TENM4: variants seen among roughly 807,000 people sequenced by gnomAD.
The protein encoded by TENM4 is teneurin transmembrane protein 4.
A neutral mutation model predicts 243.3 loss-of-function variants in TENM4; 82 were observed. The ratio of observed to expected loss-of-function variants is 0.34; its 90% CI spans 0.28 to 0.40. TENM4 has a LOEUF of 0.40. Among genes scored for constraint, TENM4 ranks in the 10% least tolerant of loss-of-function variants. The pLI is 1.00. For missense variants in TENM4, 3,138 were observed against 3,673.3 expected (o/e 0.85, Z 3.77); for synonymous variants, 1,412 against 1,456.3 (o/e 0.97, Z 0.69).
At chr11:79,016,803 A>C (rs1858786165) in intron 6 of TENM4, among the ~76,000 whole-genome samples, 1 of 152,254 alleles carries the variant, frequency 6.6e-6, no homozygotes, top group Non-Finnish European at 1.5e-5. Context: ...GTTCATCAAA[A>C]GACCCCAAAG....
intron 6 of TENM4, among the ~76,000 whole-genome samples, chr11:79,039,717 G>A (rs1022332237): frequency 3.3e-4 from 50 of 152,278 alleles, no homozygotes; most frequent in African/African-American, 1.1e-3. Context: ...GGGTTGAAAG[G>A]TGCAGCAAAT....
At chr11:79,223,725 T>G (rs1372145103) in intron 2 of TENM4, among the ~76,000 whole-genome samples, 1 of 152,186 alleles carries the variant, frequency 6.6e-6, no homozygotes, top group Non-Finnish European at 1.5e-5. Context: ...TGGCTCTTCC[T>G]TTGGCCTCAG....
intron 4 of TENM4, among the ~76,000 whole-genome samples, chr11:79,108,267 T>C (rs1861421014): frequency 6.6e-6 from 1 of 152,168 alleles, no homozygotes; most frequent in Non-Finnish European, 1.5e-5. Flanking sequence ...GGAGATGACT[T>C]GATAATACGA....
At chr11:78,796,478 A>T (rs1857162716) in intron 15 of TENM4, among the ~76,000 whole-genome samples, 1 of 152,028 alleles carries the variant, frequency 6.6e-6, no homozygotes, top group African/African-American at 2.4e-5. Context: ...GACCCTAATA[A>T]CCTTTTGTAA....
At chr11:78,794,467 A>G (rs1188058672) in intron 15 of TENM4, among the ~76,000 whole-genome samples, 1 of 152,210 alleles carries the variant, frequency 6.6e-6, no homozygotes, top group Non-Finnish European at 1.5e-5. Flanking sequence ...AATAGATGTG[A>G]ACATTTGAAA....
At chr11:79,319,603 C>A (rs113329091) in intron 1 of TENM4, among the ~76,000 whole-genome samples, 1 of 152,164 alleles carries the variant, frequency 6.6e-6, no homozygotes, top group Non-Finnish European at 1.5e-5. Flanking sequence ...CTGCCAGCAA[C>A]GCGCAGCCTG....
At chr11:79,155,355 CTT>C (rs553666524) in intron 3 of TENM4, among the ~76,000 whole-genome samples, 18 of 140,480 alleles carry the variant, frequency 1.3e-4, no homozygotes, top group Admixed American at 2.1e-4. Flanking sequence ...CTCTCTCTCT[CTT>C]TTTTTTTTTT....
At chr11:78,990,445 T>C (rs562893323) in intron 6 of TENM4, among the ~76,000 whole-genome samples, 3 of 152,138 alleles carry the variant, frequency 2.0e-5, no homozygotes, top group Non-Finnish European at 4.4e-5. Flanking sequence ...GGCAGCGCTG[T>C]TTGAAACAGG....
At chr11:79,320,031 T>C (rs1014287017) in intron 1 of TENM4, among the ~76,000 whole-genome samples, 4 of 152,198 alleles carry the variant, frequency 2.6e-5, no homozygotes, top group Non-Finnish European at 5.9e-5. Context: ...CAGTGGAGGT[T>C]CCTGGCAGGG....
At chr11:79,058,124 T>C (rs1405245509) in intron 6 of TENM4, among the ~76,000 whole-genome samples, 2 of 152,354 alleles carry the variant, frequency 1.3e-5, no homozygotes, top group East Asian at 3.9e-4. Flanking sequence ...TGGAAGTTTC[T>C]AATATTGACA....
Position 78,738,701 on chromosome 11 carries a change from G to A in TENM4, c.2757-131C>T. On this transcript the variant is annotated intron_variant, in intron 19 of 33. Transcript: ENST00000278550. Reference sequence around the variant, plus strand: ...CACATCTTGTACCCAGGGGTTCATGGTGTTCACTCAAGATGCATAATAATC... The same window carrying A: ...CACATCTTGTACCCAGGGGTTCATGATGTTCACTCAAGATGCATAATAATC... The A allele has an allele frequency of 6.8e-6, 6 of 888,084 alleles. No individual in the cohort carries two copies. In the South Asian group the frequency reaches 7.3e-5, roughly 11 times the overall value. 55.0% of individuals were successfully genotyped at this position (888,084 alleles called of 1,614,324 possible).
chr11:79,006,348 T>A (rs561558784), intron 6 of TENM4, among the ~76,000 whole-genome samples: 43 of 152,208 alleles, frequency 2.8e-4, no homozygotes, highest in Non-Finnish European at 4.1e-4. Context: ...AGATGGAGTA[T>A]TCATTTTCAT....
At chr11:78,707,813 C>T (rs556082317) in intron 27 of TENM4, among the ~76,000 whole-genome samples, 3 of 152,246 alleles carry the variant, frequency 2.0e-5, no homozygotes, top group Non-Finnish European at 2.9e-5. Flanking sequence ...CCTACTGGGC[C>T]GATGTGAATT....
intron 12 of TENM4, among the ~76,000 whole-genome samples, chr11:78,818,492 AT>A (rs1283357834): frequency 6.6e-6 from 1 of 152,234 alleles, no homozygotes; most frequent in Non-Finnish European, 1.5e-5. Context: ...ACACGAAATA[AT>A]TTTAAGATAG....
intron 30 of TENM4, 101 bp downstream of exon 30, chr11:78,676,051 G>T: frequency 8.8e-7 from 1 of 1,130,168 alleles, no homozygotes; most frequent in Non-Finnish European, 1.2e-6. Context: ...TTTTGCAGAT[G>T]AGTGAACTGA....
At chr11:79,291,091 G>C (rs968581014) in intron 2 of TENM4, among the ~76,000 whole-genome samples, 6 of 152,122 alleles carry the variant, frequency 3.9e-5, no homozygotes, top group African/African-American at 1.4e-4. Flanking sequence ...GGTGGCTCTG[G>C]GTGGAGTGGT....
intron 6 of TENM4, among the ~76,000 whole-genome samples, chr11:79,043,626 A>G (rs1859591381): frequency 6.6e-6 from 1 of 152,236 alleles, no homozygotes; most frequent in Admixed American, 6.5e-5. Flanking sequence ...CTGTTAACCT[A>G]TGCTGACAAA....
intron 4 of TENM4, among the ~76,000 whole-genome samples, chr11:79,098,747 G>A (rs892507260): frequency 1.3e-5 from 2 of 152,322 alleles, no homozygotes; most frequent in African/African-American, 4.8e-5. Flanking sequence ...TCTGGAAAAT[G>A]AGGCTAATGA....
At chr11:79,144,767 G>T (rs915104396) in intron 4 of TENM4, among the ~76,000 whole-genome samples, 71 of 152,046 alleles carry the variant, frequency 4.7e-4, no homozygotes, top group African/African-American at 1.7e-3. Flanking sequence ...ATGTAAGGAT[G>T]ATTACCAGAG....
Sources: allele counts gnomAD v4.1 joint callset (sites outside exome capture counted in the v4.1 genomes callset), GRCh38; gene constraint gnomAD v4.1.1; transcripts MANE v1.5; gene names NCBI Gene and HGNC (gene_info 2026-07-23, HGNC 2026-07-21).